Variants in GEMIN2 observed in about 807,000 individuals in gnomAD.
GEMIN2 encodes gem nuclear organelle associated protein 2.
A neutral mutation model predicts 45.8 loss-of-function variants in GEMIN2; 37 were observed. The ratio of observed to expected loss-of-function variants is 0.81; its 90% confidence interval spans 0.62 to 1.06. The LOEUF (loss-of-function observed/expected upper bound fraction) is 1.06, where lower values mean the gene tolerates loss of function less well. GEMIN2 is among the 50% of genes least tolerant of loss of function. The pLI is 0.00. For synonymous variants in GEMIN2, 101 were observed against 111.5 expected (o/e 0.91, Z 0.60); for missense variants, 335 against 321.8 (o/e 1.04, Z -0.31).
chr14:39,116,413 T>TC (rs1030204121), intron 2 of GEMIN2, among the ~76,000 whole-genome samples: 2 of 146,782 alleles, frequency 1.4e-5, no homozygotes, highest in African/African-American at 4.9e-5. Flanking sequence ...TCTTTTTCTT[T>TC]TTTTTTTTTT....
intron 8 of GEMIN2, among the ~76,000 whole-genome samples, chr14:39,133,146 T>C (rs917619310): frequency 1.1e-4 from 14 of 132,714 alleles, no homozygotes; most frequent in African/African-American, 3.5e-4. Context: ...TATATTCATA[T>C]ATATTCTATA....
In GEMIN2 at chr14:39,132,036, G is replaced by T; in HGVS notation, c.679G>T (p.Ala227Ser). The T allele has an allele frequency of 6.3e-7, 1 of 1,588,508 alleles. No homozygotes were observed. Among genetic ancestry groups the T allele is most frequent in the East Asian group, 2.2e-5 (1 of 44,736 alleles). The change falls in exon 8 of 10, where the codon GCA (alanine) becomes TCA (serine). Residue 227 changes from alanine (A) to serine (S), a missense_variant. Ala to Ser is a moderately conservative substitution (Grantham distance 99). Transcript: ENST00000308317. ...GGCTCATTCACTGATTCGGCAGCTTGCAAGAAGGTGCTCTGAAGTGAGGCT... is the reference window on the plus strand; with the variant it reads ...GGCTCATTCACTGATTCGGCAGCTTTCAAGAAGGTGCTCTGAAGTGAGGCT... ...PEAHSLIRQL[A>S]RRCSEVRLLV...
intron 5 of GEMIN2, 151 bp from the exon 6 acceptor site, chr14:39,124,841 G>A (rs908570988): frequency 1.1e-5 from 6 of 552,520 alleles, no homozygotes; most frequent in African/African-American, 9.3e-5. Flanking sequence ...GTAGTTTCCG[G>A]AATGTCTCAT....
Position 39,133,673 on chromosome 14 carries a change from G to A in GEMIN2, c.724G>A (p.Asp242Asn). Residue 242 changes from aspartate (D) to asparagine (N), a missense_variant, in exon 9 of 10, where the codon GAT becomes AAT. Coordinates refer to ENST00000308317, the MANE Select transcript of GEMIN2 (RefSeq NM_003616.3). ...TTTTTTTTTTTAGGATAGCAAAGAT[G>A]ATGAGAGGGTTCCTGCTTTGAATTT... ...EVRLLVDSKDDERVPALNLLI... is the reference protein window; with the variant it reads ...EVRLLVDSKDNERVPALNLLI... 1 of 1,462,042 alleles carries A rather than the reference G, an allele frequency of 6.8e-7. No homozygotes were observed. The highest frequency in any genetic ancestry group is 9.3e-7 in the Non-Finnish European group (1 of 1,071,134). The allele number at this position is 1,462,042 out of a possible 1,614,324, so 90.6% of individuals were successfully genotyped here. A position where few individuals can be genotyped will look rare whatever the true frequency, so the allele number is the denominator to read the frequency against.
chr14:39,114,663 G>C (rs934361292), intron 1 of GEMIN2, among the ~76,000 whole-genome samples, 166 bp from the exon 2 acceptor site: 2 of 152,116 alleles, frequency 1.3e-5, no homozygotes, highest in African/African-American at 2.4e-5. Context: ...TCTTAGATTT[G>C]TTTTCAATCC....
At chr14:39,122,888 G>A (rs2052591112) in intron 5 of GEMIN2, among the ~76,000 whole-genome samples, 1 of 152,016 alleles carries the variant, frequency 6.6e-6, no homozygotes, top group African/African-American at 2.4e-5. Context: ...TATCCCTTAT[G>A]TTTGGCTTGG....
Position 39,114,818 on chromosome 14 carries a change from C to T in GEMIN2, c.138-11C>T, listed in dbSNP as rs1042475333. The T allele has an allele frequency of 2.8e-6, 4 of 1,443,084 alleles. No individual in the cohort carries two copies. The highest frequency in any genetic ancestry group is 2.8e-5 in the African/African-American group (2 of 71,522). The allele number at this position is 1,443,084 out of a possible 1,614,324, so 89.4% of individuals were successfully genotyped here. On this transcript the variant is annotated splice_polypyrimidine_tract_variant and intron_variant, in intron 1 of 9. Coordinates refer to ENST00000308317, the MANE Select transcript of GEMIN2 (RefSeq NM_003616.3). ...GAAATTTAATTTATCGCGTTTATTA[C>T]TTATTTGTAGGATCGAAGCAGCTCA...
chr14:39,133,895 G>A (rs1434609984), intron 9 of GEMIN2, 176 bp downstream of exon 9: 3 of 405,928 alleles, frequency 7.4e-6, no homozygotes, highest in South Asian at 4.4e-5. Flanking sequence ...CTGGGCTCCA[G>A]CAATCCTCCC....
intron 4 of GEMIN2, 71 bp downstream of exon 4, chr14:39,118,670 C>A (rs757099396): frequency 1.0e-5 from 7 of 688,626 alleles, no homozygotes; most frequent in South Asian, 7.4e-5. Flanking sequence ...TACTTCCAGT[C>A]GTTAAAGATT....
At chr14:39,132,476 A>G (rs1409733169) in intron 8 of GEMIN2, among the ~76,000 whole-genome samples, 1 of 151,416 alleles carries the variant, frequency 6.6e-6, no homozygotes, top group Non-Finnish European at 1.5e-5. Context: ...GGTTGCAGTG[A>G]GCTGAGATTG....
At chr14:39,118,173 C>A in intron 3 of GEMIN2, 85 bp downstream of exon 3, 2 of 628,248 alleles carry the variant, frequency 3.2e-6, no homozygotes, top group South Asian at 2.2e-5. Flanking sequence ...AATTTATGAT[C>A]CTAAAGTATA....
At chr14:39,120,572 G>C (rs1219297132) in intron 4 of GEMIN2, among the ~76,000 whole-genome samples, 1 of 152,048 alleles carries the variant, frequency 6.6e-6, no homozygotes. Context: ...AAGACAATAG[G>C]GTTTAACTTT....
intron 2 of GEMIN2, among the ~76,000 whole-genome samples, chr14:39,116,858 C>T (rs1345421108): frequency 2.0e-5 from 3 of 152,172 alleles, no homozygotes; most frequent in African/African-American, 7.2e-5. Flanking sequence ...TCAAGCCATC[C>T]TCCCACCTCA....
intron 5 of GEMIN2, among the ~76,000 whole-genome samples, chr14:39,123,002 T>C (rs1440437543): frequency 2.0e-5 from 3 of 152,122 alleles, no homozygotes; most frequent in Non-Finnish European, 2.9e-5. Flanking sequence ...ATCGACACAA[T>C]TAGATGCTTT....
chr14:39,127,288 C>G (rs1181118087), intron 6 of GEMIN2, among the ~76,000 whole-genome samples: 1 of 149,630 alleles, frequency 6.7e-6, no homozygotes, highest in African/African-American at 2.5e-5. Flanking sequence ...CGGGGTTTTG[C>G]CGTGTTGGCC....
chr14:39,133,544 G>A (rs2052747366), intron 8 of GEMIN2, 117 bp from the exon 9 acceptor site: 1 of 471,604 alleles, frequency 2.1e-6, no homozygotes, highest in South Asian at 3.5e-5. Flanking sequence ...ATTTCCACAT[G>A]ATGATTACTG....
At chr14:39,127,250 T>G (rs1352677990) in intron 6 of GEMIN2, among the ~76,000 whole-genome samples, 1 of 148,202 alleles carries the variant, frequency 6.7e-6, no homozygotes, top group Non-Finnish European at 1.5e-5. Flanking sequence ...CCACCATGCC[T>G]GGCTAATTTT....
At position 39,120,154 on chromosome 14, in the gene GEMIN2, C is replaced by A. The variant is rs572370123; in HGVS notation, c.372+1555C>A. 7.3e-4 allele frequency among the ~76,000 whole-genome samples: 111 copies of A among 152,208 alleles called. 1 individual carries two copies. The highest frequency in any genetic ancestry group is 2.5e-3 in the African/African-American group (102 of 41,530). ...CATAATTGATTCAATAAACTATGGT[C>A]CATCAGAACAGTGGAATATTATGTA... On this transcript the variant is annotated intron_variant, in intron 4 of 9. Coordinates refer to ENST00000308317, the MANE Select transcript of GEMIN2 (RefSeq NM_003616.3).
At chr14:39,116,510 G>A (rs946163389) in intron 2 of GEMIN2, among the ~76,000 whole-genome samples, 16 of 150,680 alleles carry the variant, frequency 1.1e-4, no homozygotes, top group African/African-American at 3.9e-4. Flanking sequence ...TCTGCCTCCC[G>A]GGTTCACACC....
Sources: allele counts gnomAD v4.1 joint callset (sites outside exome capture counted in the v4.1 genomes callset), GRCh38; gene constraint gnomAD v4.1.1; transcripts MANE v1.5; gene names NCBI Gene and HGNC (gene_info 2026-07-23, HGNC 2026-07-21).